The following FCRL5 variants were observed in gnomAD, a reference collection of about 807,000 sequenced individuals.
FCRL5 encodes the protein Fc receptor-like protein 5.
A neutral mutation model predicts 92.1 loss-of-function variants in FCRL5; 79 were observed. That is an observed-to-expected ratio of 0.86 (90% confidence interval 0.72 to 1.03). The LOEUF is 1.03. FCRL5 is among the 50% of genes least tolerant of loss of function. The pLI is 0.00. For synonymous variants in FCRL5, 466 were observed against 469.3 expected (o/e 0.99, Z 0.09); for missense variants, 1,160 against 1,181.1 (o/e 0.98, Z 0.26).
chr1:157,544,677 G>C (rs1651444565), intron 4 of FCRL5, 131 bp from the exon 5 acceptor site: 2 of 1,413,296 alleles, frequency 1.4e-6, no homozygotes, highest in Admixed American at 3.9e-5. Flanking sequence ...GCTTCCTTCA[G>C]CCCAAAACAC....
chr1:157,526,979 T>A (rs1165894169), intron 9 of FCRL5, among the ~76,000 whole-genome samples: 1 of 152,142 alleles, frequency 6.6e-6, no homozygotes, highest in Admixed American at 6.5e-5. Flanking sequence ...CATGAAATGA[T>A]GGCAGATTAT....
intron 14 of FCRL5, 55 bp downstream of exon 14, chr1:157,518,645 G>A (rs74799115): frequency 0.012 from 18,674 of 1,540,696 alleles, 359 homozygotes; most frequent in East Asian, 0.08. Context: ...CTGCCCCACC[G>A]CTTTCCCACA....
chr1:157,535,698 A>G (rs977915172), intron 7 of FCRL5, among the ~76,000 whole-genome samples: 1 of 152,198 alleles, frequency 6.6e-6, no homozygotes, highest in South Asian at 2.1e-4. Context: ...TGGTGTGTGT[A>G]TATTTGTCAG....
At chr1:157,519,019 G>T (rs916094893) in intron 13 of FCRL5, 1 of 366,350 alleles carries the variant, frequency 2.7e-6, no homozygotes, top group Non-Finnish European at 4.9e-6. Flanking sequence ...ACAGCAATAC[G>T]TTGTTAGTTC....
At chr1:157,519,136 C>T (rs983427091) in intron 13 of FCRL5, 3 of 202,780 alleles carry the variant, frequency 1.5e-5, no homozygotes, top group African/African-American at 2.3e-5. Flanking sequence ...TGGCTCCGAA[C>T]CCTGCATGCT....
intron 9 of FCRL5, 117 bp downstream of exon 9, chr1:157,527,500 G>A: frequency 9.3e-7 from 1 of 1,071,986 alleles, no homozygotes. Context: ...TAGGCACCAA[G>A]CCTGACAGGA....
At chr1:157,534,222 A>C in intron 8 of FCRL5, 1 of 565,498 alleles carries the variant, frequency 1.8e-6, no homozygotes, top group South Asian at 1.7e-5. Context: ...ATAAGATTGG[A>C]AATCCTTTGG....
intron 1 of FCRL5, among the ~76,000 whole-genome samples, chr1:157,551,971 C>T (rs1048038156): frequency 1.3e-5 from 2 of 152,204 alleles, no homozygotes; most frequent in African/African-American, 4.8e-5. Context: ...GGAATAAATA[C>T]ATCTCCTCTG....
In FCRL5 at chr1:157,552,343, A is replaced by G. The variant is rs139376463; in HGVS notation, c.20T>C (p.Leu7Ser). Reference protein sequence around the residue: MLLWVILLVLAPVSGQF... With the variant: MLLWVISLVLAPVSGQF... Reference sequence around the variant, plus strand: ...GCCCTTTTACTCACCCAGGACCAGTAATATCACCCACAGCAGCATGAAGAC... The same window carrying G: ...GCCCTTTTACTCACCCAGGACCAGTGATATCACCCACAGCAGCATGAAGAC... Residue 7 changes from leucine to serine, a missense_variant, in exon 1 of 17, where the codon TTA becomes TCA. Leu to Ser is a moderately radical substitution (Grantham distance 145). Coordinates refer to ENST00000361835, the MANE Select transcript of FCRL5 (RefSeq NM_031281.3). 4.3e-4 allele frequency: 702 copies of G among 1,614,100 alleles called. 7 individuals are homozygous for G. Among genetic ancestry groups the G allele is most frequent in the South Asian group, 3.7e-3 (334 of 91,072 alleles).
Position 157,515,416 on chromosome 1 carries a change from C to T in FCRL5, c.*259G>A, listed in dbSNP as rs941919223. On this transcript the variant is annotated 3_prime_UTR_variant, in exon 17 of 17. Transcript: ENST00000361835. The stretch of plus-strand genomic sequence containing the variant: ...CACAGCTGAAGCCCACTAAGGAATC[C>T]AGGAGATGTGCTGGGCCCTGGAGTG... 3.5e-6 allele frequency: 2 copies of T among 575,862 alleles called. No individual in the cohort carries two copies. Among genetic ancestry groups the T allele is most frequent in the Non-Finnish European group, 6.0e-6 (2 of 334,084 alleles). The allele number at this position is 575,862 out of a possible 1,614,324, so 35.7% of individuals were successfully genotyped here.
Position 157,545,408 on chromosome 1 carries a change from T to G in FCRL5, c.308-326A>C, listed in dbSNP as rs1651484546. Among the ~76,000 whole-genome samples the G allele has an allele frequency of 4.6e-5, 7 of 152,110 alleles. No individual in the cohort carries two copies. In the South Asian group the frequency reaches 1.4e-3, roughly 32 times the overall value. ...TTAATATTTGTAGATTTGATAACTT[T>G]CCTTTCACTTACTATGCTATGAACA... On this transcript the variant is annotated intron_variant, in intron 3 of 16. Coordinates refer to ENST00000361835, the MANE Select transcript of FCRL5 (RefSeq NM_031281.3).
intron 7 of FCRL5, among the ~76,000 whole-genome samples, chr1:157,537,173 G>A (rs1651005448): frequency 6.6e-6 from 1 of 152,240 alleles, no homozygotes; most frequent in South Asian, 2.1e-4. Flanking sequence ...CTGCCTGTGA[G>A]CTGGGTGGAA....
intron 13 of FCRL5, 85 bp from the exon 14 acceptor site, chr1:157,518,867 G>T: frequency 9.1e-7 from 1 of 1,097,504 alleles, no homozygotes; most frequent in Non-Finnish European, 1.3e-6. Flanking sequence ...ACTTCTTACT[G>T]CAGGGTGGCT....
chr1:157,537,969 C>T lies in FCRL5; in HGVS notation c.1402+1117G>A, dbSNP rs1212790927. Among the ~76,000 whole-genome samples the T allele has an allele frequency of 3.3e-5, 5 of 152,112 alleles. 1 individual carries two copies. The highest frequency in any genetic ancestry group is 7.3e-5 in the Non-Finnish European group (5 of 68,034). The stretch of plus-strand genomic sequence containing the variant: ...TACTTGACTGCATTTGCTATTAGCC[C>T]CTGTGAACTGTGTGGGCAGGGCCAG... On this transcript the variant is annotated intron_variant, in intron 7 of 16. Coordinates refer to ENST00000361835, the MANE Select transcript of FCRL5 (RefSeq NM_031281.3).
intron 9 of FCRL5, among the ~76,000 whole-genome samples, chr1:157,526,089 C>A (rs1280571775): frequency 6.6e-6 from 1 of 152,068 alleles, no homozygotes; most frequent in African/African-American, 2.4e-5. Flanking sequence ...CATGCCAGTG[C>A]TTAAAGGTTT....
At chr1:157,537,598 A>G (rs1651028607) in intron 7 of FCRL5, among the ~76,000 whole-genome samples, 2 of 152,138 alleles carry the variant, frequency 1.3e-5, no homozygotes, top group Non-Finnish European at 2.9e-5. Flanking sequence ...GATCTCTGTG[A>G]GCCACACCCT....
chr1:157,545,269 T>C (rs1368532028), intron 3 of FCRL5, among the ~76,000 whole-genome samples, 187 bp from the exon 4 acceptor site: 3 of 152,210 alleles, frequency 2.0e-5, no homozygotes, highest in Non-Finnish European at 4.4e-5. Flanking sequence ...AAAGCAGAAA[T>C]GTAGGTAAAA....
intron 10 of FCRL5, 44 bp downstream of exon 10, chr1:157,524,235 C>T (rs1485897892): frequency 1.2e-6 from 2 of 1,600,802 alleles, no homozygotes; most frequent in African/African-American, 2.7e-5. Flanking sequence ...AGAACAGGCA[C>T]AGTCAGTTCT....
At chr1:157,536,074 T>C (rs1241476854) in intron 7 of FCRL5, among the ~76,000 whole-genome samples, 1 of 151,102 alleles carries the variant, frequency 6.6e-6, no homozygotes, top group African/African-American at 2.4e-5. Flanking sequence ...CCTGAGTAGC[T>C]GGCGTTACAG....
Sources: gnomAD v4.1 joint callset for allele counts (sites outside exome capture counted in the v4.1 genomes callset) on GRCh38, gnomAD v4.1.1 for gene constraint, MANE v1.5 for transcripts, NCBI Gene and HGNC (gene_info 2026-07-23, HGNC 2026-07-21) for gene names.